Variants in NKAIN2 observed in about 807,000 individuals in gnomAD.
NKAIN2 encodes sodium/potassium-transporting ATPase subunit beta-1-interacting protein 2.
A neutral mutation model predicts 32.6 loss-of-function variants in NKAIN2; 14 were observed. That is an observed-to-expected ratio of 0.43 (90% CI 0.28 to 0.67). NKAIN2 has a LOEUF of 0.67. NKAIN2 is among the 30% of genes least tolerant of loss of function. The probability of loss-of-function intolerance (pLI) is 0.17; values close to 1 mark genes in which losing one functional copy is unlikely to be tolerated. For missense variants in NKAIN2, 198 were observed against 258.3 expected, an observed-to-expected ratio of 0.77 and a Z score of 1.60; for synonymous variants, 80 against 87.2, an observed-to-expected ratio of 0.92 and a Z score of 0.46.
rs542163848 is a variant in NKAIN2, at chr6:124,791,333, T to C, written c.475-6T>C. On this transcript the variant is annotated splice_polypyrimidine_tract_variant and splice_region_variant and intron_variant, in intron 4 of 6. Transcript: ENST00000368417. ...TGATGTCTAAAGCATCTCTGTTTTG[T>C]TTCAGCTGGCAGGTTTCATCTACGC... 4 of 1,607,092 alleles carry C rather than the reference T, an allele frequency of 2.5e-6. No individual in the cohort carries two copies. The South Asian group carries it at 3.3e-5, about 13-fold the overall frequency.
intron 3 of NKAIN2, among the ~76,000 whole-genome samples, chr6:124,545,032 C>T (rs1415181523): frequency 6.6e-6 from 1 of 152,084 alleles, no homozygotes; most frequent in African/African-American, 2.4e-5. Context: ...TGGGCGATGC[C>T]TTAAAACTCT....
At chr6:124,757,793 G>C (rs544564336) in intron 4 of NKAIN2, among the ~76,000 whole-genome samples, 3 of 152,214 alleles carry the variant, frequency 2.0e-5, no homozygotes, top group African/African-American at 7.2e-5. Flanking sequence ...AAATATGCCA[G>C]GACACTAAAT....
intron 1 of NKAIN2, among the ~76,000 whole-genome samples, chr6:123,970,110 G>GATAT (rs71541239): frequency 0.12 from 17,559 of 149,142 alleles, 1,296 homozygotes; most frequent in Non-Finnish European, 0.16. Context: ...TTATTAAATG[G>GATAT]ATATATATAT....
At position 123,862,644 on chromosome 6, in the gene NKAIN2, T is replaced by A. The variant is rs140337241; in HGVS notation, c.54+58390T>A. ...TCTAATAAACTGAACTTTTTATTCC[T>A]ATGCATTTTTCCTTATGCCTTACTT... On this transcript the variant is annotated intron_variant, in intron 1 of 6. Transcript: ENST00000368417. Among the ~76,000 whole-genome samples the A allele has an allele frequency of 6.2e-3, 942 of 152,296 alleles. 12 individuals carry two copies. Among genetic ancestry groups the A allele is most frequent in the African/African-American group, 0.021 (891 of 41,548 alleles).
At chr6:124,710,090 C>G (rs932589262) in intron 4 of NKAIN2, among the ~76,000 whole-genome samples, 1 of 151,194 alleles carries the variant, frequency 6.6e-6, no homozygotes, top group Non-Finnish European at 1.5e-5. Flanking sequence ...TGTTATGTAC[C>G]CAGTAGTCAT....
intron 3 of NKAIN2, among the ~76,000 whole-genome samples, chr6:124,491,809 T>A (rs1421685904): frequency 6.6e-6 from 1 of 151,950 alleles, no homozygotes; most frequent in African/African-American, 2.4e-5. Context: ...TGACAGCCTA[T>A]GAAATTCAAA....
intron 1 of NKAIN2, among the ~76,000 whole-genome samples, chr6:124,172,937 C>A (rs1038657220): frequency 1.3e-5 from 2 of 152,124 alleles, no homozygotes; most frequent in African/African-American, 4.8e-5. Context: ...AGCAAGATTT[C>A]TTCTTCTACA....
chr6:124,495,902 T>C (rs1352521387), intron 3 of NKAIN2, among the ~76,000 whole-genome samples: 1 of 152,008 alleles, frequency 6.6e-6, no homozygotes, highest in Admixed American at 6.6e-5. Context: ...GTTGGTGAAA[T>C]TTTCTGCCTA....
chr6:124,761,461 T>C (rs1458715534), intron 4 of NKAIN2, among the ~76,000 whole-genome samples: 1 of 152,188 alleles, frequency 6.6e-6, no homozygotes, highest in Non-Finnish European at 1.5e-5. Flanking sequence ...TAACCACCTC[T>C]TTCTGCCCCT....
chr6:124,588,483 C>T (rs1781793528), intron 3 of NKAIN2, among the ~76,000 whole-genome samples: 1 of 151,992 alleles, frequency 6.6e-6, no homozygotes, highest in South Asian at 2.1e-4. Flanking sequence ...TTTATGTTTT[C>T]TTTGGATTCA....
intron 1 of NKAIN2, among the ~76,000 whole-genome samples, chr6:123,976,141 T>C (rs1219677977): frequency 2.0e-5 from 3 of 150,934 alleles, no homozygotes; most frequent in South Asian, 2.1e-4. Context: ...AACTGTGAGT[T>C]CATTAAACCT....
At chr6:124,262,284 G>A (rs901106251) in intron 1 of NKAIN2, among the ~76,000 whole-genome samples, 4 of 152,158 alleles carry the variant, frequency 2.6e-5, no homozygotes, top group Admixed American at 1.3e-4. Context: ...CGTCCTGGAA[G>A]AGCCCAAAGT....
chr6:124,342,423 C>A (rs896432268), intron 2 of NKAIN2, among the ~76,000 whole-genome samples: 68 of 136,986 alleles, frequency 5.0e-4, no homozygotes, highest in African/African-American at 9.2e-4. Context: ...AAAAAAAAAA[C>A]AAAACACCTT....
At chr6:123,839,672 T>TAGTAGCATACTGTTAGTCATTA (rs1774786067) in intron 1 of NKAIN2, among the ~76,000 whole-genome samples, 1 of 152,198 alleles carries the variant, frequency 6.6e-6, no homozygotes, top group Non-Finnish European at 1.5e-5. Flanking sequence ...TGAGGTTAGC[T>TAGTAGCATACTGTTAGTCATTA]AGTAGCATAC....
At chr6:124,683,717 T>A (rs1271383020) in intron 4 of NKAIN2, among the ~76,000 whole-genome samples, 2 of 152,152 alleles carry the variant, frequency 1.3e-5, no homozygotes, top group African/African-American at 4.8e-5. Flanking sequence ...GACCTCTCTA[T>A]TCACTCACTC....
chr6:124,716,935 C>A (rs1775785797), intron 4 of NKAIN2, among the ~76,000 whole-genome samples: 1 of 152,136 alleles, frequency 6.6e-6, no homozygotes, highest in Non-Finnish European at 1.5e-5. Flanking sequence ...TGCAGAATTC[C>A]CAATACCTAC....
At chr6:123,869,878 A>G (rs991417288) in intron 1 of NKAIN2, among the ~76,000 whole-genome samples, 4 of 151,944 alleles carry the variant, frequency 2.6e-5, no homozygotes, top group Non-Finnish European at 4.4e-5. Context: ...CATTCTTTAC[A>G]TAGGAAAAAA....
At chr6:124,516,069 C>T (rs1162278675) in intron 3 of NKAIN2, among the ~76,000 whole-genome samples, 1 of 152,138 alleles carries the variant, frequency 6.6e-6, no homozygotes, top group African/African-American at 2.4e-5. Flanking sequence ...ATTCTAGGTA[C>T]ATCACGGAGC....
intron 1 of NKAIN2, among the ~76,000 whole-genome samples, chr6:123,866,238 A>G (rs1582677121): frequency 1.3e-5 from 2 of 151,298 alleles, no homozygotes; most frequent in South Asian, 2.1e-4. Context: ...CCTTTTGACA[A>G]CTCCATCCTC....
Sources: gnomAD v4.1 joint callset for allele counts (sites outside exome capture counted in the v4.1 genomes callset) on GRCh38, gnomAD v4.1.1 for gene constraint, MANE v1.5 for transcripts, NCBI Gene and HGNC (gene_info 2026-07-23, HGNC 2026-07-21) for gene names.